Variants in SP140L observed in about 807,000 individuals in gnomAD.
The protein encoded by SP140L is nuclear body protein SP140-like protein.
In SP140L, 64 loss-of-function variants were observed where a neutral mutation model predicts 84.3. The observed-to-expected ratio is 0.76, with a 90% CI of 0.62 to 0.94. SP140L has a LOEUF of 0.94. SP140L is among the 40% of genes least tolerant of loss of function. SP140L has a pLI of 0.00. For missense variants in SP140L, 628 were observed against 692.5 expected (o/e 0.91, Z 1.05); for synonymous variants, 242 against 236.9 (o/e 1.02, Z -0.20).
intron 5 of SP140L, among the ~76,000 whole-genome samples, chr2:230,362,456 G>C (rs1254240862): frequency 6.6e-6 from 1 of 152,148 alleles, no homozygotes; most frequent in Non-Finnish European, 1.5e-5. Context: ...TATTCAAAGA[G>C]AAATGCACTC....
At chr2:230,380,631 G>T (rs940479133) in intron 7 of SP140L, among the ~76,000 whole-genome samples, 9 of 152,050 alleles carry the variant, frequency 5.9e-5, no homozygotes, top group African/African-American at 1.9e-4. Flanking sequence ...ATCCTTTCTG[G>T]TATATCTCCA....
At chr2:230,331,947 T>C (rs2059736592) in intron 2 of SP140L, among the ~76,000 whole-genome samples, 1 of 152,134 alleles carries the variant, frequency 6.6e-6, no homozygotes, top group South Asian at 2.1e-4. Context: ...TTTTTCTTAC[T>C]TTTTTTCCTT....
chr2:230,352,937 T>C (rs1212705791), intron 2 of SP140L, among the ~76,000 whole-genome samples: 2 of 152,092 alleles, frequency 1.3e-5, no homozygotes, highest in Non-Finnish European at 2.9e-5. Flanking sequence ...TCACCATTCA[T>C]GTTTATCATA....
chr2:230,401,127 G>A (rs961787943), intron 16 of SP140L, 64 bp downstream of exon 16: 20 of 720,536 alleles, frequency 2.8e-5, no homozygotes, highest in Non-Finnish European at 3.6e-5. Flanking sequence ...ATGAACAAGC[G>A]CAAGGGCAGG....
intron 13 of SP140L, among the ~76,000 whole-genome samples, chr2:230,395,555 G>A (rs2062011650): frequency 6.6e-6 from 1 of 152,102 alleles, no homozygotes. Context: ...ATTCTAGCCT[G>A]GGTGACAGAG....
At chr2:230,373,312 G>T (rs1476093415) in intron 7 of SP140L, among the ~76,000 whole-genome samples, 2 of 152,200 alleles carry the variant, frequency 1.3e-5, no homozygotes, top group African/African-American at 4.8e-5. Context: ...ATTCTGTCTA[G>T]AACTGTCATA....
intron 11 of SP140L, among the ~76,000 whole-genome samples, chr2:230,390,698 T>C (rs932055964): frequency 2.0e-5 from 3 of 152,236 alleles, no homozygotes; most frequent in Admixed American, 6.5e-5. Context: ...AACATTTTCA[T>C]TGTGACTTTT....
Position 230,357,881 on chromosome 2 carries a change from C to A in SP140L, c.184C>A (p.Leu62Met). The change falls in exon 3 of 19, where the codon CTG (leucine) becomes ATG (methionine). Residue 62 changes from leucine (L) to methionine (M), a missense_variant. Physicochemically the swap from Leu to Met is conservative, Grantham distance 15 (BLOSUM62 2). Transcript: ENST00000415673. ...TVFKHFKRHK[L>M]EISNAIKKTF... ...ATTCAAGCACTTCAAAAGACATAAG[C>A]TGGAGATATCAAATGCAATAAAAAA... 6.2e-7 allele frequency: 1 copy of A among 1,614,056 alleles called. No individual in the cohort carries two copies. Among genetic ancestry groups the A allele is most frequent in the Non-Finnish European group, 8.5e-7 (1 of 1,179,934 alleles).
At chr2:230,386,835 A>C (rs1307794359) in intron 9 of SP140L, among the ~76,000 whole-genome samples, 1 of 152,200 alleles carries the variant, frequency 6.6e-6, no homozygotes, top group East Asian at 1.9e-4. Context: ...GGAAGAAATA[A>C]CTCTGTATTA....
rs1487750335 is a variant in SP140L at position 230,403,130 on chromosome 2, A to G, written c.*234A>G. On this transcript the variant is annotated 3_prime_UTR_variant, in exon 19 of 19. Coordinates refer to ENST00000415673, the MANE Select transcript of SP140L (RefSeq NM_138402.6). ...CACAGGGAAGGAGATTGGAGGTGAT[A>G]CCAGCACAGACAGACTCTCACCTCT... 8.8e-6 allele frequency: 4 copies of G among 457,092 alleles called. No homozygotes were observed. The highest frequency in any genetic ancestry group is 4.3e-5 in the Admixed American group (1 of 23,154). The allele number at this position is 457,092 out of a possible 1,614,324, so 28.3% of individuals were successfully genotyped here.
intron 2 of SP140L, among the ~76,000 whole-genome samples, chr2:230,344,459 G>T (rs1413183217): frequency 2.6e-5 from 4 of 152,106 alleles, no homozygotes; most frequent in Admixed American, 2.6e-4. Context: ...ATGGGTCATG[G>T]CTCTTTATCC....
At chr2:230,402,025 G>A (rs2062364932) in intron 18 of SP140L, among the ~76,000 whole-genome samples, 1 of 152,224 alleles carries the variant, frequency 6.6e-6, no homozygotes, top group Admixed American at 6.5e-5. Flanking sequence ...GTCTCTGAGA[G>A]CTCCTCCCCC....
At chr2:230,337,676 G>A (rs2059918499) in intron 2 of SP140L, among the ~76,000 whole-genome samples, 2 of 152,168 alleles carry the variant, frequency 1.3e-5, no homozygotes, top group African/African-American at 2.4e-5. Flanking sequence ...TTTGTATAAG[G>A]TGTAAAGAAG....
chr2:230,365,951 T>C (rs1049222453), intron 5 of SP140L, among the ~76,000 whole-genome samples: 2 of 152,206 alleles, frequency 1.3e-5, no homozygotes, highest in African/African-American at 4.8e-5. Flanking sequence ...CTTCTTGTTA[T>C]TGATTTCTAC....
intron 2 of SP140L, among the ~76,000 whole-genome samples, chr2:230,344,968 G>A (rs2060166704): frequency 6.6e-6 from 1 of 152,166 alleles, no homozygotes; most frequent in Admixed American, 6.5e-5. Context: ...AGTAGAATAT[G>A]TGTTTTGCTG....
intron 7 of SP140L, 76 bp from the exon 8 acceptor site, chr2:230,383,434 A>G: frequency 1.4e-6 from 2 of 1,447,894 alleles, no homozygotes; most frequent in Non-Finnish European, 1.9e-6. Flanking sequence ...AAAATCTTGT[A>G]TACTACTAGC....
intron 2 of SP140L, among the ~76,000 whole-genome samples, chr2:230,345,670 T>G (rs2060187760): frequency 6.6e-6 from 1 of 152,042 alleles, no homozygotes; most frequent in African/African-American, 2.4e-5. Context: ...CCTTTCTCCT[T>G]TGTGGTTACT....
chr2:230,327,877 A>G lies in SP140L; in HGVS notation c.32+576A>G, dbSNP rs140437971. On this transcript the variant is annotated intron_variant, in intron 1 of 18. Transcript: ENST00000415673. ...GACTCAGGGTGTGAGTTCTGATACA[A>G]TTGACCTTGATCCAAAGAAGGAAAA... Among the ~76,000 whole-genome samples, 582 of 152,274 alleles carry G rather than the reference A, an allele frequency of 3.8e-3. 16 individuals carry two copies. Among genetic ancestry groups the G allele is most frequent in the Admixed American group, 0.03 (462 of 15,298 alleles).
chr2:230,392,891 A>G (rs927434511), intron 12 of SP140L, among the ~76,000 whole-genome samples: 4 of 152,126 alleles, frequency 2.6e-5, no homozygotes, highest in African/African-American at 9.7e-5. Flanking sequence ...ATATTCACTG[A>G]CCTATAGCCA....
Sources: allele counts gnomAD v4.1 joint callset (sites outside exome capture counted in the v4.1 genomes callset), GRCh38; gene constraint gnomAD v4.1.1; transcripts MANE v1.5; gene names NCBI Gene and HGNC (gene_info 2026-07-23, HGNC 2026-07-21).